SORCS3: variants seen among roughly 807,000 people sequenced by gnomAD.
SORCS3 encodes VPS10 domain-containing receptor SorCS3.
Under a neutral mutation model 146.3 loss-of-function variants are expected in SORCS3, and 57 were observed. The ratio of observed to expected loss-of-function variants is 0.39; its 90% CI spans 0.31 to 0.49. The LOEUF is 0.49. Among genes scored for constraint, SORCS3 ranks in the 20% least tolerant of loss-of-function variants. SORCS3 has a pLI of 0.92. For synonymous variants in SORCS3, 653 were observed against 618.5 expected, an observed-to-expected ratio of 1.06 and a Z score of -0.83; for missense variants, 1,341 against 1,575.5, an observed-to-expected ratio of 0.85 and a Z score of 2.52.
At chr10:105,036,375 T>C (rs191882882) in intron 4 of SORCS3, among the ~76,000 whole-genome samples, 1 of 152,294 alleles carries the variant, frequency 6.6e-6, no homozygotes, top group Non-Finnish European at 1.5e-5. Context: ...CATCTAAGTT[T>C]TGAGTTTCTG....
intron 2 of SORCS3, among the ~76,000 whole-genome samples, chr10:104,881,265 A>C (rs2018627712): frequency 6.6e-6 from 1 of 152,154 alleles, no homozygotes; most frequent in East Asian, 1.9e-4. Flanking sequence ...ATTGTAGTTT[A>C]ATCTCCTGAA....
chr10:104,867,548 A>G (rs2018473650), intron 2 of SORCS3, among the ~76,000 whole-genome samples: 1 of 152,010 alleles, frequency 6.6e-6, no homozygotes, highest in Non-Finnish European at 1.5e-5. Context: ...TGACCTCATG[A>G]TCTGCCCGCC....
chr10:105,217,013 C>G lies in SORCS3; in HGVS notation c.2625C>G (p.Ile875Met), dbSNP rs775261134. The G allele has an allele frequency of 5.0e-6, 8 of 1,614,022 alleles. No homozygotes were observed. Among genetic ancestry groups the G allele is most frequent in the South Asian group, 1.1e-5 (1 of 91,078 alleles). The part of the protein sequence containing the change: ...IAVSYANFSP[I>M]EDGIKHVYKS... ...TGTCCTACGCAAACTTCAGCCCCAT[C>G]GAGGACGGCATCAAGCACGTGTATA... Residue 875 changes from isoleucine to methionine, a missense_variant, in exon 19 of 27, where the codon ATC becomes ATG. Transcript: ENST00000369701.
At chr10:105,066,031 A>G (rs997165785) in intron 5 of SORCS3, among the ~76,000 whole-genome samples, 1 of 152,202 alleles carries the variant, frequency 6.6e-6, no homozygotes, top group African/African-American at 2.4e-5. Flanking sequence ...AATACCATGA[A>G]TTGGAGTATC....
At chr10:105,120,603 T>A (rs2055925550) in intron 7 of SORCS3, among the ~76,000 whole-genome samples, 1 of 152,168 alleles carries the variant, frequency 6.6e-6, no homozygotes, top group South Asian at 2.1e-4. Flanking sequence ...TATAAATTAC[T>A]AAGACTTGTT....
chr10:105,059,195 C>G (rs1254890728), intron 5 of SORCS3, among the ~76,000 whole-genome samples: 1 of 152,022 alleles, frequency 6.6e-6, no homozygotes, highest in Admixed American at 6.5e-5. Context: ...CAAACTGGTT[C>G]CCCCTTATCA....
chr10:105,160,458 C>T (rs2056252604), intron 11 of SORCS3, among the ~76,000 whole-genome samples: 2 of 152,210 alleles, frequency 1.3e-5, no homozygotes, highest in South Asian at 4.2e-4. Context: ...GAAACCCCGT[C>T]TCTACCAAAA....
intron 7 of SORCS3, among the ~76,000 whole-genome samples, chr10:105,107,062 A>G (rs528672918): frequency 6.6e-6 from 1 of 152,264 alleles, no homozygotes; most frequent in East Asian, 1.9e-4. Flanking sequence ...TCCATATCAA[A>G]TAACCAACTC....
intron 14 of SORCS3, among the ~76,000 whole-genome samples, chr10:105,191,089 C>A (rs1351720992): frequency 1.3e-5 from 2 of 152,166 alleles, no homozygotes; most frequent in Non-Finnish European, 2.9e-5. Context: ...TACAGCCACT[C>A]AGACAATAAA....
chr10:104,942,637 A>C (rs780852681), intron 3 of SORCS3, among the ~76,000 whole-genome samples: 1 of 152,236 alleles, frequency 6.6e-6, no homozygotes, highest in Non-Finnish European at 1.5e-5. Flanking sequence ...TCACTTTAAC[A>C]TTCAAAAATC....
intron 1 of SORCS3, among the ~76,000 whole-genome samples, chr10:104,726,538 G>A (rs912313614): frequency 7.2e-5 from 11 of 152,058 alleles, no homozygotes; most frequent in Non-Finnish European, 1.3e-4. Flanking sequence ...TCTCATGCAT[G>A]TTCCATGTGG....
intron 2 of SORCS3, among the ~76,000 whole-genome samples, chr10:104,858,616 G>A (rs2018361152): frequency 6.7e-6 from 1 of 150,262 alleles, no homozygotes; most frequent in Non-Finnish European, 1.5e-5. Flanking sequence ...TTTGTTAAGA[G>A]AAGTGTACTT....
At chr10:105,219,046 T>A (rs1035982893) in intron 19 of SORCS3, among the ~76,000 whole-genome samples, 1 of 152,116 alleles carries the variant, frequency 6.6e-6, no homozygotes, top group Non-Finnish European at 1.5e-5. Flanking sequence ...TTATCTTCAA[T>A]GCTTAGCTAA....
At chr10:105,151,306 T>C (rs2056165868) in intron 9 of SORCS3, among the ~76,000 whole-genome samples, 1 of 152,212 alleles carries the variant, frequency 6.6e-6, no homozygotes, top group African/African-American at 2.4e-5. Context: ...GGGATGAAGA[T>C]TGTAAATATA....
At chr10:105,244,881 C>A (rs559038007) in intron 20 of SORCS3, among the ~76,000 whole-genome samples, 2 of 152,010 alleles carry the variant, frequency 1.3e-5, no homozygotes, top group East Asian at 1.9e-4. Context: ...TCAGCCTGGG[C>A]AACACGGTGA....
chr10:104,819,916 A>G (rs754977964), intron 1 of SORCS3, among the ~76,000 whole-genome samples: 9 of 152,222 alleles, frequency 5.9e-5, no homozygotes, highest in Non-Finnish European at 1.3e-4. Context: ...TCATGCAGCT[A>G]TGAAATCAAA....
At chr10:105,204,182 G>A (rs188542742) in intron 16 of SORCS3, among the ~76,000 whole-genome samples, 1 of 152,138 alleles carries the variant, frequency 6.6e-6, no homozygotes, top group Admixed American at 6.6e-5. Context: ...CTTTATTATT[G>A]CCTTTTAATG....
intron 22 of SORCS3, among the ~76,000 whole-genome samples, chr10:105,251,809 A>T (rs2056900286): frequency 6.6e-6 from 1 of 152,220 alleles, no homozygotes; most frequent in Admixed American, 6.5e-5. Context: ...TCATTCTTTT[A>T]CTAACCACTC....
intron 1 of SORCS3, among the ~76,000 whole-genome samples, chr10:104,718,867 A>T (rs1008807405): frequency 7.2e-5 from 11 of 152,202 alleles, no homozygotes; most frequent in African/African-American, 2.7e-4. Context: ...GAATGTTGGA[A>T]AAAAGAAAAA....
Sources: gnomAD v4.1 joint callset for allele counts (sites outside exome capture counted in the v4.1 genomes callset) on GRCh38, gnomAD v4.1.1 for gene constraint, MANE v1.5 for transcripts, NCBI Gene and HGNC (gene_info 2026-07-23, HGNC 2026-07-21) for gene names.